The following TRPM3 variants were observed in gnomAD, a reference collection of about 807,000 sequenced individuals.
TRPM3 encodes long transient receptor potential channel 3.
TRPM3 carries 77 observed loss-of-function variants against 181.2 expected under a neutral mutation model. The ratio of observed to expected loss-of-function variants is 0.42; its 90% confidence interval spans 0.35 to 0.51. The LOEUF is 0.51. Ranked by LOEUF, TRPM3 falls within the 20% of genes least tolerant of loss-of-function variation. TRPM3 has a pLI of 0.01. For synonymous variants in TRPM3, 745 were observed against 796.4 expected, an observed-to-expected ratio of 0.94 and a Z score of 1.09; for missense variants, 1,759 against 2,196.7, an observed-to-expected ratio of 0.80 and a Z score of 3.98.
chr9:71,376,094 C>T (rs958570657), intron 1 of TRPM3, among the ~76,000 whole-genome samples: 4 of 151,862 alleles, frequency 2.6e-5, no homozygotes, highest in Non-Finnish European at 5.9e-5. Flanking sequence ...TAATCTGTTT[C>T]CTTAAGCAAA....
intron 1 of TRPM3, among the ~76,000 whole-genome samples, chr9:71,175,242 A>G (rs962666452): frequency 4.6e-5 from 7 of 152,156 alleles, no homozygotes; most frequent in African/African-American, 1.4e-4. Context: ...AGAGAAGTAA[A>G]TGGCTTGTGG....
chr9:70,924,234 C>CCCCA (rs1011200806), intron 1 of TRPM3, among the ~76,000 whole-genome samples: 18 of 152,174 alleles, frequency 1.2e-4, no homozygotes, highest in African/African-American at 4.3e-4. Flanking sequence ...CCCCAAATAG[C>CCCCA]AACAAGGCTG....
At chr9:71,265,193 T>C (rs531230042) in intron 1 of TRPM3, among the ~76,000 whole-genome samples, 108 of 152,198 alleles carry the variant, frequency 7.1e-4, no homozygotes, top group Non-Finnish European at 7.5e-4. Flanking sequence ...TTACAAAATA[T>C]GTTATACATT....
At chr9:71,088,905 A>G (rs2133869935) in intron 1 of TRPM3, among the ~76,000 whole-genome samples, 1 of 151,798 alleles carries the variant, frequency 6.6e-6, no homozygotes, top group East Asian at 1.9e-4. Flanking sequence ...AGAGAGGGAG[A>G]AAAGGGTATA....
At chr9:70,936,891 G>A (rs2096833653) in intron 1 of TRPM3, among the ~76,000 whole-genome samples, 1 of 152,102 alleles carries the variant, frequency 6.6e-6, no homozygotes, top group African/African-American at 2.4e-5. Flanking sequence ...CTGTCTTCTA[G>A]GCTCTTAGCT....
intron 1 of TRPM3, among the ~76,000 whole-genome samples, chr9:71,201,285 TTC>T (rs2078773505): frequency 6.6e-6 from 1 of 152,286 alleles, no homozygotes; most frequent in Admixed American, 6.5e-5. Flanking sequence ...AACCCGACCT[TTC>T]TCTCTGGCTG....
intron 1 of TRPM3, among the ~76,000 whole-genome samples, chr9:71,380,014 G>C (rs191707818): frequency 3.9e-4 from 60 of 152,128 alleles, no homozygotes; most frequent in African/African-American, 1.2e-3. Context: ...TTTTAAGATG[G>C]AGCAGGGGGA....
chr9:71,302,938 T>C (rs753979309), intron 1 of TRPM3, among the ~76,000 whole-genome samples: 2 of 151,990 alleles, frequency 1.3e-5, no homozygotes, highest in Non-Finnish European at 2.9e-5. Context: ...GGAAGATATC[T>C]CGTGGCCACA....
chr9:70,831,661 G>A (rs1055409946), intron 5 of TRPM3, among the ~76,000 whole-genome samples: 17 of 151,834 alleles, frequency 1.1e-4, no homozygotes, highest in African/African-American at 3.4e-4. Flanking sequence ...AGAAACCTGA[G>A]TTGAGAAAGG....
At chr9:71,066,448 A>G (rs898282295) in intron 1 of TRPM3, among the ~76,000 whole-genome samples, 11 of 152,318 alleles carry the variant, frequency 7.2e-5, no homozygotes, top group African/African-American at 2.4e-4. Context: ...GAAATTGTAA[A>G]AAATTCCATG....
In TRPM3 at chr9:71,337,401, G is replaced by T. The variant is rs141863099; in HGVS notation, c.183+109252C>A. Among the ~76,000 whole-genome samples, 425 of 152,298 alleles carry T rather than the reference G, an allele frequency of 2.8e-3. 1 individual carries two copies. The highest frequency in any genetic ancestry group is 9.9e-3 in the African/African-American group (410 of 41,566). ...ATACCATCTCATGCCAGTTAGAATG[G>T]CAATCATTAAAAAGTCAGGAAGCAA... On this transcript the variant is annotated intron_variant, in intron 1 of 24. Coordinates refer to the TRPM3 transcript ENST00000357533.
intron 1 of TRPM3, among the ~76,000 whole-genome samples, chr9:71,063,457 G>C (rs2061552271): frequency 6.6e-6 from 1 of 152,088 alleles, no homozygotes; most frequent in Non-Finnish European, 1.5e-5. Flanking sequence ...ATAATGAAAT[G>C]GCAGGACTGT....
intron 2 of TRPM3, among the ~76,000 whole-genome samples, chr9:70,863,341 T>C (rs2095567515): frequency 6.6e-6 from 1 of 152,142 alleles, no homozygotes; most frequent in Admixed American, 6.6e-5. Flanking sequence ...GTATAAGTTG[T>C]AATATGTCTC....
intron 1 of TRPM3, among the ~76,000 whole-genome samples, chr9:71,248,533 CCTT>C (rs1296581408): frequency 2.0e-5 from 3 of 152,138 alleles, no homozygotes; most frequent in South Asian, 2.1e-4. Context: ...ATATCTCAGT[CCTT>C]CTTTTTAGGT....
In TRPM3 at chr9:70,591,155, G is replaced by T; in HGVS notation, c.3099C>A (p.Ser1033Arg). ...GGATGGCTTGCCTGGCGACCCCAAA[G>T]CTCATCAGAACCACCAGCATAATGA... The part of the protein sequence containing the change: ...FVIIMLVVLM[S>R]FGVARQAILF... Residue 1033 changes from serine (S) to arginine (R), a missense_variant, in exon 22 of 26, where the codon AGC (serine) becomes AGA (arginine). By Grantham distance (110) the Ser-to-Arg change is moderately radical (BLOSUM62 -1). This residue lies in a region of TRPM3 where 94 missense variants were observed against 221.3 expected (regional missense o/e 0.42). Coordinates refer to ENST00000677713, the MANE Select transcript of TRPM3 (RefSeq NM_001366145.2). The T allele has an allele frequency of 1.9e-6, 3 of 1,613,982 alleles. No homozygotes were observed. Among genetic ancestry groups the T allele is most frequent in the Non-Finnish European group, 2.5e-6 (3 of 1,179,934 alleles).
intron 1 of TRPM3, among the ~76,000 whole-genome samples, chr9:71,401,231 G>A (rs937710022): frequency 1.3e-5 from 2 of 150,480 alleles, no homozygotes; most frequent in Non-Finnish European, 3.0e-5. Context: ...CTATCATATG[G>A]CTAGTAACCT....
At chr9:70,849,562 A>G (rs892763613) in intron 3 of TRPM3, among the ~76,000 whole-genome samples, 24 of 152,320 alleles carry the variant, frequency 1.6e-4, no homozygotes, top group African/African-American at 5.3e-4. Flanking sequence ...TAAATCTTAA[A>G]AAGTATTGGG....
chr9:71,202,320 A>G (rs559221281), intron 1 of TRPM3, among the ~76,000 whole-genome samples: 2 of 152,052 alleles, frequency 1.3e-5, no homozygotes, highest in African/African-American at 4.8e-5. Context: ...CCATTCTCAG[A>G]TCTCCATGTG....
intron 1 of TRPM3, among the ~76,000 whole-genome samples, chr9:71,401,197 CAAA>C (rs59425467): frequency 5.7e-5 from 6 of 105,764 alleles, no homozygotes; most frequent in Admixed American, 3.1e-4. Context: ...GACACCATCG[CAAA>C]AAAAAAAAAA....
Sources: allele counts gnomAD v4.1 joint callset (sites outside exome capture counted in the v4.1 genomes callset), GRCh38; gene constraint gnomAD v4.1.1; regional missense constraint gnomAD v4.1.1; transcripts MANE v1.5; gene names NCBI Gene and HGNC (gene_info 2026-07-23, HGNC 2026-07-21).